RSRP1: variants seen among roughly 807,000 people sequenced by gnomAD.
RSRP1 encodes the protein arginine and serine rich protein 1, also known as arginine/serine-rich protein 1.
Under a neutral mutation model 33.0 loss-of-function variants are expected in RSRP1, and 37 were observed. The observed-to-expected ratio is 1.12, with a 90% confidence interval of 0.86 to 1.48. RSRP1 has a LOEUF of 1.48. RSRP1 is among the 40% of genes most tolerant of loss of function. The pLI, the probability that RSRP1 is intolerant of heterozygous loss-of-function variation, is 0.00. For missense variants in RSRP1, 402 were observed against 385.3 expected (o/e 1.04, Z -0.36); for synonymous variants, 167 against 158.7 (o/e 1.05, Z -0.40).
chr1:25,289,937 G>A (rs1175078867), intron 1 of RSRP1, among the ~76,000 whole-genome samples: 2 of 130,464 alleles, frequency 1.5e-5, no homozygotes, highest in South Asian at 2.4e-4. Flanking sequence ...TAAGGCTAGC[G>A]TCTTTTCAGA....
At chr1:25,274,678 C>T (rs1398154863) in intron 1 of RSRP1, among the ~76,000 whole-genome samples, 1 of 133,458 alleles carries the variant, frequency 7.5e-6, no homozygotes. Context: ...CAGACTGAGC[C>T]TGGGCTTAAC....
Position 25,281,326 on chromosome 1 carries a change from G to A in RSRP1, c.-66-34297C>T, listed in dbSNP as rs1429302187. ...CAATGTACAATTCTCCTCTGGGCCCGGTCATGAGCGCCCCTCACAGGCTCT... is the reference window on the plus strand; with the variant it reads ...CAATGTACAATTCTCCTCTGGGCCCAGTCATGAGCGCCCCTCACAGGCTCT... On this transcript the variant is annotated intron_variant, in intron 1 of 1. Transcript: ENST00000561867. 2.2e-4 allele frequency among the ~76,000 whole-genome samples: 28 copies of A among 129,750 alleles called. 9 individuals carry two copies. Among genetic ancestry groups the A allele is most frequent in the Admixed American group, 3.0e-4 (4 of 13,410 alleles). 85.1% of individuals were successfully genotyped at this position (129,750 alleles called of 152,430 possible). A position where few individuals can be genotyped will look rare whatever the true frequency, so the allele number is the denominator to read the frequency against.
chr1:25,242,753 T>C lies in RSRP1; in HGVS notation c.757-48A>G, dbSNP rs758320475. The C allele has an allele frequency of 1.2e-5, 15 of 1,265,734 alleles. No individual in the cohort carries two copies. In the South Asian group the frequency reaches 1.7e-4, roughly 15 times the overall value. The allele number at this position is 1,265,734 out of a possible 1,614,324, so 78.4% of individuals were successfully genotyped here. ...AGCTTCCCAAACATACATTGTACAC[T>C]TTTTTCACAAAAAAAAGTACATTAA... On this transcript the variant is annotated intron_variant, in intron 4 of 4. Coordinates refer to ENST00000243189, the MANE Select transcript of RSRP1 (RefSeq NM_020317.5).
chr1:25,259,754 TC>T (rs1263084610), intron 1 of RSRP1, among the ~76,000 whole-genome samples: 2 of 152,042 alleles, frequency 1.3e-5, no homozygotes, highest in Non-Finnish European at 2.9e-5. Flanking sequence ...TCAGCCTGCC[TC>T]GGCCTCCCAA....
chr1:25,309,192 G>C (rs529023844), intron 1 of RSRP1, among the ~76,000 whole-genome samples: 1 of 132,162 alleles, frequency 7.6e-6, no homozygotes, highest in Non-Finnish European at 1.8e-5. Flanking sequence ...GTCAGATGCT[G>C]TGATCAGAAC....
rs1046442127 is a variant in RSRP1 at position 25,275,356 on chromosome 1, C to T, written c.-66-28327G>A. Among the ~76,000 whole-genome samples the T allele has an allele frequency of 3.8e-5, 5 of 131,980 alleles. 1 individual carries two copies. Among genetic ancestry groups the T allele is most frequent in the African/African-American group, 1.3e-4 (5 of 38,736 alleles). 86.6% of individuals were successfully genotyped at this position (131,980 alleles called of 152,430 possible). ...GGTGGCAGACTCACTGGGCTGCATA[C>T]GAAGTTTGGCTTCAGTCTGAGGTCC... is the stretch of plus-strand genomic sequence containing the variant. On this transcript the variant is annotated intron_variant, in intron 1 of 1. Transcript: ENST00000561867.
At chr1:25,272,394 A>T in intron 1 of RSRP1, 1 of 1,084,158 alleles carries the variant, frequency 9.2e-7, no homozygotes, top group East Asian at 2.5e-5. Flanking sequence ...TTCCGTGTTA[A>T]CTCCATAGAG....
At chr1:25,259,399 G>A (rs1018389397) in intron 1 of RSRP1, among the ~76,000 whole-genome samples, 1 of 150,952 alleles carries the variant, frequency 6.6e-6, no homozygotes, top group African/African-American at 2.4e-5. Context: ...GGCCTTGTTT[G>A]CTTTTTTAAC....
chr1:25,245,328 A>G, intron 2 of RSRP1, 27 bp from the exon 3 acceptor site: 1 of 1,587,038 alleles, frequency 6.3e-7, no homozygotes, highest in Non-Finnish European at 8.6e-7. Flanking sequence ...GAGATTTTAA[A>G]ATACTCATTA....
At chr1:25,287,575 T>A (rs1376376395) in intron 1 of RSRP1, among the ~76,000 whole-genome samples, 6 of 135,086 alleles carry the variant, frequency 4.4e-5, no homozygotes, top group Non-Finnish European at 8.8e-5. Context: ...GACTTGGGAC[T>A]GATTTGGTTC....
rs1358725556 is a variant in RSRP1, at chr1:25,304,766, G to A, written c.-67+33212C>T. 6 of 131,458 alleles carry A rather than the reference G, an allele frequency of 4.6e-5. 1 individual carries two copies. The highest frequency in any genetic ancestry group is 4.4e-4 in the Admixed American group (6 of 13,526). 8.1% of individuals were successfully genotyped at this position (131,458 alleles called of 1,614,324 possible). Reference sequence around the variant, plus strand: ...GATTAACCAAAACCAGGGCAAATCTGATTTTCATCTTTGCAAGGGGAACAA... The same window carrying A: ...GATTAACCAAAACCAGGGCAAATCTAATTTTCATCTTTGCAAGGGGAACAA... On this transcript the variant is annotated intron_variant, in intron 1 of 1. Coordinates refer to the RSRP1 transcript ENST00000561867.
chr1:25,309,817 G>GC (rs1426292366), intron 1 of RSRP1, among the ~76,000 whole-genome samples: 1 of 132,610 alleles, frequency 7.5e-6, no homozygotes, highest in African/African-American at 2.6e-5. Flanking sequence ...CATGTGTTGA[G>GC]CTGAGGGTCT....
chr1:25,257,177 G>C (rs947273099), intron 1 of RSRP1, among the ~76,000 whole-genome samples: 2 of 152,174 alleles, frequency 1.3e-5, no homozygotes, highest in Non-Finnish European at 2.9e-5. Context: ...ATGCCTTCTT[G>C]ATCTCCCAGA....
chr1:25,244,240 T>C lies in RSRP1; in HGVS notation c.673-607A>G, dbSNP rs1054659230. 3.1e-6 allele frequency: 4 copies of C among 1,289,128 alleles called. No homozygotes were observed. In the Admixed American group the frequency reaches 9.2e-5, roughly 30 times the overall value. The allele number at this position is 1,289,128 out of a possible 1,614,324, so 79.9% of individuals were successfully genotyped here. On this transcript the variant is annotated intron_variant, in intron 3 of 4. Coordinates refer to ENST00000243189, the MANE Select transcript of RSRP1 (RefSeq NM_020317.5). ...CTCAAAACATCTGGAATATATTGCATATATTATGAAAGGGACATCTTTTTC... is the reference window on the plus strand; with the variant it reads ...CTCAAAACATCTGGAATATATTGCACATATTATGAAAGGGACATCTTTTTC...
In RSRP1 at chr1:25,321,029, A is replaced by G. The variant is rs564926033; in HGVS notation, c.-67+16949T>C. On this transcript the variant is annotated intron_variant, in intron 1 of 1. Transcript: ENST00000561867. The stretch of plus-strand genomic sequence containing the variant: ...ACTGCACTCCAGCCTGGATAACAGA[A>G]TGAGACTCTGTCCCAAAAATAAAAA... Among the ~76,000 whole-genome samples, 289 of 131,416 alleles carry G rather than the reference A, an allele frequency of 2.2e-3. 39 individuals carry two copies. Among genetic ancestry groups the G allele is most frequent in the African/African-American group, 7.1e-3 (274 of 38,698 alleles). The allele number at this position is 131,416 out of a possible 152,430, so 86.2% of individuals were successfully genotyped here.
Position 25,302,132 on chromosome 1 carries a change from G to C in RSRP1, c.-67+35846C>G, listed in dbSNP as rs752832689. Among the ~76,000 whole-genome samples, 10 of 131,258 alleles carry C rather than the reference G, an allele frequency of 7.6e-5. 2 individuals are homozygous for C. The highest frequency in any genetic ancestry group is 1.8e-4 in the Non-Finnish European group (10 of 55,660). The allele number at this position is 131,258 out of a possible 152,430, so 86.1% of individuals were successfully genotyped here. ...GTGGCTCTGGTCAAGCCACTTCAACGTTTTGAGTCTCAGTGGCCTCATCTG... is the reference window on the plus strand; with the variant it reads ...GTGGCTCTGGTCAAGCCACTTCAACCTTTTGAGTCTCAGTGGCCTCATCTG... On this transcript the variant is annotated intron_variant, in intron 1 of 1. Transcript: ENST00000561867.
At chr1:25,251,659 G>A (rs1175630874), upstream of RSRP1, among the ~76,000 whole-genome samples, 1 of 152,138 alleles carries the variant, frequency 6.6e-6, no homozygotes, top group Non-Finnish European at 1.5e-5. Context: ...GTGAGCCACT[G>A]CGCCCGGCTC....
intron 3 of RSRP1, chr1:25,244,295 T>C: frequency 7.8e-7 from 1 of 1,288,084 alleles, no homozygotes; most frequent in Non-Finnish European, 1.0e-6. Context: ...AACGTGTACC[T>C]TTGCTTAGTT....
At chr1:25,319,860 G>A (rs1398216442) in intron 1 of RSRP1, among the ~76,000 whole-genome samples, 1 of 132,040 alleles carries the variant, frequency 7.6e-6, no homozygotes, top group Non-Finnish European at 1.8e-5. Flanking sequence ...GCAGAAGTTA[G>A]AAGTGAAAGC....
Sources: allele counts gnomAD v4.1 joint callset (sites outside exome capture counted in the v4.1 genomes callset), GRCh38; gene constraint gnomAD v4.1.1; transcripts MANE v1.5; gene names NCBI Gene and HGNC (gene_info 2026-07-23, HGNC 2026-07-21).